The following PKNOX2 variants were observed in gnomAD, a reference collection of about 807,000 sequenced individuals.
The protein encoded by PKNOX2 is homeobox protein PKNOX2.
PKNOX2 carries 14 observed loss-of-function variants against 53.1 expected under a neutral mutation model. The ratio of observed to expected loss-of-function variants is 0.26; its 90% CI spans 0.17 to 0.41. The LOEUF is 0.41. PKNOX2 is among the 10% of genes least tolerant of loss of function. The probability of loss-of-function intolerance (pLI) is 1.00; values close to 1 mark genes in which losing one functional copy is unlikely to be tolerated. For missense variants in PKNOX2, 496 were observed against 602.8 expected (o/e 0.82, Z 1.85); for synonymous variants, 257 against 242.8 (o/e 1.06, Z -0.54).
At chr11:125,253,966 T>C (rs1185019721) in intron 2 of PKNOX2, among the ~76,000 whole-genome samples, 1 of 152,078 alleles carries the variant, frequency 6.6e-6, no homozygotes, top group African/African-American at 2.4e-5. Flanking sequence ...GTGCTCCTGC[T>C]GGGTGGGAGC....
chr11:125,326,076 G>T (rs1309454366), intron 2 of PKNOX2, among the ~76,000 whole-genome samples: 1 of 152,142 alleles, frequency 6.6e-6, no homozygotes, highest in East Asian at 1.9e-4. Context: ...ATCTCCATGG[G>T]TACAGTACTC....
intron 5 of PKNOX2, among the ~76,000 whole-genome samples, chr11:125,379,048 T>TC (rs1210635919): frequency 2.9e-5 from 4 of 138,804 alleles, no homozygotes; most frequent in African/African-American, 5.6e-5. Flanking sequence ...ACCTTTTTTT[T>TC]CTTTCTCTTT....
intron 1 of PKNOX2, among the ~76,000 whole-genome samples, chr11:125,194,313 GA>G (rs1266261324): frequency 6.6e-6 from 1 of 152,202 alleles, no homozygotes; most frequent in African/African-American, 2.4e-5. Flanking sequence ...GGCCTTTCTT[GA>G]GAGCAATAAT....
intron 1 of PKNOX2, among the ~76,000 whole-genome samples, chr11:125,198,064 C>T (rs974184863): frequency 6.6e-6 from 1 of 152,208 alleles, no homozygotes; most frequent in African/African-American, 2.4e-5. Flanking sequence ...TTGAAAAGGG[C>T]TGATGGTCCC....
intron 2 of PKNOX2, among the ~76,000 whole-genome samples, chr11:125,270,921 G>GA (rs1390359795): frequency 6.6e-6 from 1 of 152,088 alleles, no homozygotes; most frequent in Non-Finnish European, 1.5e-5. Context: ...TGTCTGACTT[G>GA]AAAGGCCTAT....
At chr11:125,285,163 G>T (rs1037102371) in intron 2 of PKNOX2, among the ~76,000 whole-genome samples, 9 of 152,024 alleles carry the variant, frequency 5.9e-5, no homozygotes, top group Non-Finnish European at 1.2e-4. Context: ...CTTTAGCTGA[G>T]AACTCAAGGC....
intron 2 of PKNOX2, among the ~76,000 whole-genome samples, chr11:125,310,890 T>C (rs1265145607): frequency 6.6e-6 from 1 of 152,246 alleles, no homozygotes; most frequent in Non-Finnish European, 1.5e-5. Context: ...TTCAATCGTT[T>C]GCTTTCCTTC....
chr11:125,305,046 G>A (rs1948338803), intron 2 of PKNOX2, among the ~76,000 whole-genome samples: 1 of 152,184 alleles, frequency 6.6e-6, no homozygotes, highest in South Asian at 2.1e-4. Context: ...CTAGTAAGTG[G>A]TGGGATCTGG....
At chr11:125,345,573 C>T (rs113155653) in intron 3 of PKNOX2, among the ~76,000 whole-genome samples, 4 of 152,300 alleles carry the variant, frequency 2.6e-5, no homozygotes, top group South Asian at 2.1e-4. Flanking sequence ...TGCACCCACA[C>T]GCCTTTGCTT....
chr11:125,382,576 A>C (rs572630593), intron 5 of PKNOX2, among the ~76,000 whole-genome samples: 1 of 152,298 alleles, frequency 6.6e-6, no homozygotes, highest in South Asian at 2.1e-4. Context: ...AGGGAGGTTC[A>C]TAAGGCGCAA....
At chr11:125,239,411 A>T (rs1942981655) in intron 2 of PKNOX2, among the ~76,000 whole-genome samples, 1 of 152,176 alleles carries the variant, frequency 6.6e-6, no homozygotes, top group Non-Finnish European at 1.5e-5. Flanking sequence ...AACAGCTCAG[A>T]ATCCAGCCAG....
chr11:125,250,935 A>G (rs893352093), intron 2 of PKNOX2, among the ~76,000 whole-genome samples: 2 of 152,174 alleles, frequency 1.3e-5, no homozygotes, highest in African/African-American at 4.8e-5. Context: ...CCCTCAGCAT[A>G]TGGGGGACCC....
intron 2 of PKNOX2, among the ~76,000 whole-genome samples, chr11:125,323,988 C>T (rs780988232): frequency 6.6e-6 from 1 of 152,096 alleles, no homozygotes; most frequent in South Asian, 2.1e-4. Context: ...GAGCTCAGTT[C>T]CTAGCATCCT....
chr11:125,408,607 A>G (rs1215241233), intron 7 of PKNOX2, among the ~76,000 whole-genome samples: 1 of 152,202 alleles, frequency 6.6e-6, no homozygotes, highest in Non-Finnish European at 1.5e-5. Flanking sequence ...GAGAGTAAAA[A>G]AAGGCAGCTC....
intron 1 of PKNOX2, among the ~76,000 whole-genome samples, chr11:125,174,033 T>C (rs1955519799): frequency 6.6e-6 from 1 of 152,184 alleles, no homozygotes; most frequent in Admixed American, 6.5e-5. Context: ...TGTTAAGGAA[T>C]GGATGCTCCT....
intron 6 of PKNOX2, 122 bp downstream of exon 6, chr11:125,385,844 G>C (rs1175177181): frequency 5.1e-6 from 6 of 1,177,940 alleles, no homozygotes; most frequent in Non-Finnish European, 7.0e-6. Context: ...CCCACCATGA[G>C]TCATGCACTA....
At chr11:125,251,681 C>G (rs1385049576) in intron 2 of PKNOX2, among the ~76,000 whole-genome samples, 1 of 151,784 alleles carries the variant, frequency 6.6e-6, no homozygotes, top group Admixed American at 6.6e-5. Context: ...TGCCTTTCTG[C>G]TGGTTCCCAA....
intron 1 of PKNOX2, among the ~76,000 whole-genome samples, chr11:125,168,467 T>C (rs975624147): frequency 6.6e-6 from 1 of 152,232 alleles, no homozygotes; most frequent in African/African-American, 2.4e-5. Context: ...AAGTTAGTGA[T>C]GAAATAAGTA....
At chr11:125,192,107 G>C (rs1031105323) in intron 1 of PKNOX2, among the ~76,000 whole-genome samples, 5 of 152,144 alleles carry the variant, frequency 3.3e-5, no homozygotes, top group African/African-American at 7.2e-5. Context: ...ATTGCGGCAG[G>C]GGGAGGGCTG....
Sources: gnomAD v4.1 joint callset for allele counts (sites outside exome capture counted in the v4.1 genomes callset) on GRCh38, gnomAD v4.1.1 for gene constraint, MANE v1.5 for transcripts, NCBI Gene and HGNC (gene_info 2026-07-23, HGNC 2026-07-21) for gene names.